The following PCDHA4 variants were observed in gnomAD, a reference collection of about 807,000 sequenced individuals.
PCDHA4 encodes protocadherin alpha-4.
In PCDHA4, 49 loss-of-function variants were observed where a neutral mutation model predicts 61.4. The observed-to-expected ratio is 0.80, with a 90% CI of 0.63 to 1.01. The LOEUF is 1.01. PCDHA4 is among the 50% of genes least tolerant of loss of function. The pLI is 0.00. For missense variants in PCDHA4, 1,254 were observed against 1,235.8 expected (o/e 1.01, Z -0.22); for synonymous variants, 590 against 550.3 (o/e 1.07, Z -1.01).
In PCDHA4 at chr5:140,862,942, G is replaced by A. The variant is rs75462656; in HGVS notation, c.2385+53370G>A. 1.6e-3 allele frequency: 859 copies of A among 542,058 alleles called. 16 individuals carry two copies. In the East Asian group the frequency reaches 0.034, roughly 22 times the overall value. The allele number at this position is 542,058 out of a possible 1,614,324, so 33.6% of individuals were successfully genotyped here. ...GGTGGGCTGGCGGCGCTGTGAGTGA[G>A]CTGGTGCGGTATTCAGTGGATGCAG... On this transcript the variant is annotated intron_variant, in intron 1 of 3. Transcript: ENST00000530339.
At chr5:141,000,643 G>A (rs2097954450) in intron 3 of PCDHA4, among the ~76,000 whole-genome samples, 1 of 151,102 alleles carries the variant, frequency 6.6e-6, no homozygotes, top group Non-Finnish European at 1.5e-5. Context: ...GGGCAGGCTG[G>A]TCTCGAACTC....
intron 1 of PCDHA4, chr5:140,821,951 T>C: frequency 1.2e-6 from 2 of 1,614,172 alleles, no homozygotes; most frequent in East Asian, 4.5e-5. Context: ...GCGGAGCTGG[T>C]GCCGCGCCTG....
intron 1 of PCDHA4, chr5:140,829,549 G>A (rs2150169844): frequency 6.2e-7 from 1 of 1,612,924 alleles, no homozygotes; most frequent in Non-Finnish European, 8.5e-7. Flanking sequence ...ACGCGCAGGA[G>A]AACGCGCTGG....
chr5:140,862,575 G>T (rs1272278191), intron 1 of PCDHA4: 3 of 486,640 alleles, frequency 6.2e-6, no homozygotes, highest in Non-Finnish European at 1.3e-5. Context: ...ATGCCCTGGC[G>T]TTCCAGCAGC....
At chr5:140,830,213 T>C in intron 1 of PCDHA4, 1 of 1,613,804 alleles carries the variant, frequency 6.2e-7, no homozygotes, top group Non-Finnish European at 8.5e-7. Flanking sequence ...CTGCGCGGTA[T>C]CCAGCCTGCT....
At chr5:140,836,150 T>A (rs2150254160) in intron 1 of PCDHA4, 1 of 1,613,680 alleles carries the variant, frequency 6.2e-7, no homozygotes, top group Non-Finnish European at 8.5e-7. Context: ...GCGCGGGCCA[T>A]GTGGTGGCGA....
At chr5:140,967,792 A>G (rs371669028) in intron 1 of PCDHA4, 4 of 1,614,212 alleles carry the variant, frequency 2.5e-6, no homozygotes, top group Non-Finnish European at 3.4e-6. Context: ...ACCGGGGTCC[A>G]GTGCCCATGG....
rs376556447 is a variant in PCDHA4 at position 140,885,103 on chromosome 5, CT to C, written c.2385+75538del. On this transcript the variant is annotated intron_variant, in intron 1 of 3. Transcript: ENST00000530339. The stretch of plus-strand genomic sequence containing the variant: ...AGCCCCATAACTTTTCACATAAATG[CT>C]TTTTTTAAGTGCACTTTTCTTTCTT... Among the ~76,000 whole-genome samples the C allele has an allele frequency of 4.5e-3, 686 of 152,136 alleles. 2 individuals are homozygous for C. Among genetic ancestry groups the C allele is most frequent in the African/African-American group, 0.016 (664 of 41,518 alleles).
Position 140,842,464 on chromosome 5 carries a change from C to T in PCDHA4, c.2385+32892C>T, listed in dbSNP as rs2150336696. On this transcript the variant is annotated intron_variant, in intron 1 of 3. Coordinates refer to ENST00000530339, the MANE Select transcript of PCDHA4 (RefSeq NM_018907.4). ...GCGTGAACGACCTCGATTCAGGTGC[C>T]AACGGGCAGGTGACCTGCTCCCTGA... 1.1e-4 allele frequency: 180 copies of T among 1,613,798 alleles called. 1 individual carries two copies. The highest frequency in any genetic ancestry group is 1.5e-4 in the Non-Finnish European group (172 of 1,179,758).
chr5:140,891,044 CA>C (rs1406159323), intron 1 of PCDHA4, among the ~76,000 whole-genome samples: 9 of 152,030 alleles, frequency 5.9e-5, no homozygotes, highest in African/African-American at 2.2e-4. Flanking sequence ...GTGTGACCCC[CA>C]CAGCACATAG....
intron 3 of PCDHA4, among the ~76,000 whole-genome samples, chr5:141,008,578 C>T (rs1185736158): frequency 6.6e-6 from 1 of 152,202 alleles, no homozygotes; most frequent in Non-Finnish European, 1.5e-5. Context: ...TTTCCCAAGA[C>T]TCAGGGCAGA....
At chr5:140,980,910 T>G (rs1554242463) in intron 2 of PCDHA4, among the ~76,000 whole-genome samples, 1 of 152,206 alleles carries the variant, frequency 6.6e-6, no homozygotes, top group East Asian at 1.9e-4. Context: ...ATGTAACTAT[T>G]CTTTAAAAAA....
rs370831122 is a variant in PCDHA4, at chr5:140,966,962, G to C, written c.2386-11987G>C. On this transcript the variant is annotated intron_variant, in intron 1 of 3. Transcript: ENST00000530339. ...CGTGGGCAACGTGGCTCGCGCGCTG[G>C]GGCTTGAGCTGCGGCGCTTGGGGCC... The C allele has an allele frequency of 1.3e-5, 21 of 1,602,632 alleles. No individual in the cohort carries two copies. Among genetic ancestry groups the C allele is most frequent in the Admixed American group, 3.3e-5 (2 of 59,750 alleles).
intron 1 of PCDHA4, chr5:140,829,702 G>T (rs1295697160): frequency 6.2e-7 from 1 of 1,613,390 alleles, no homozygotes; most frequent in Admixed American, 1.7e-5. Flanking sequence ...AGGTGAGCGC[G>T]CGCGACGCGG....
At chr5:140,826,575 C>T (rs1208730445) in intron 1 of PCDHA4, among the ~76,000 whole-genome samples, 1 of 152,054 alleles carries the variant, frequency 6.6e-6, no homozygotes, top group Admixed American at 6.5e-5. Context: ...GGTTTAATCA[C>T]TTCAAATGGA....
intron 1 of PCDHA4, chr5:140,884,511 G>A (rs1202323930): frequency 6.2e-7 from 1 of 1,614,192 alleles, no homozygotes; most frequent in Non-Finnish European, 8.5e-7. Flanking sequence ...GCAGGGAGTT[G>A]GTCGTACTCG....
At chr5:140,814,851 C>T (rs1174048705) in intron 1 of PCDHA4, 1 of 152,152 alleles carries the variant, frequency 6.6e-6, no homozygotes, top group Non-Finnish European at 1.5e-5. Context: ...ATGTTTGCCT[C>T]ATATATTTAG....
At chr5:140,851,020 A>G in intron 1 of PCDHA4, 1 of 1,430,342 alleles carries the variant, frequency 7.0e-7, no homozygotes, top group Non-Finnish European at 9.2e-7. Flanking sequence ...TTTCTGATAA[A>G]GTAAACCCCT....
At chr5:140,828,266 C>G (rs1769658438) in intron 1 of PCDHA4, 1 of 1,614,048 alleles carries the variant, frequency 6.2e-7, no homozygotes, top group African/African-American at 1.3e-5. Context: ...GCTGGCGGAG[C>G]TGGTGCCGCG....
Sources: gnomAD v4.1 joint callset for allele counts (sites outside exome capture counted in the v4.1 genomes callset) on GRCh38, gnomAD v4.1.1 for gene constraint, MANE v1.5 for transcripts, NCBI Gene and HGNC (gene_info 2026-07-23, HGNC 2026-07-21) for gene names.